KANSL1L: variants seen among roughly 807,000 people sequenced by gnomAD.
KANSL1L encodes the protein KAT8 regulatory NSL complex subunit 1 like, also known as KAT8 regulatory NSL complex subunit 1-like protein.
Under a neutral mutation model 108.6 loss-of-function variants are expected in KANSL1L, and 25 were observed. The observed-to-expected ratio is 0.23, with a 90% confidence interval of 0.17 to 0.32. The LOEUF (loss-of-function observed/expected upper bound fraction) is 0.32, where lower values mean the gene tolerates loss of function less well. Among genes scored for constraint, KANSL1L ranks in the 10% least tolerant of loss-of-function variants. The probability of loss-of-function intolerance (pLI) is 1.00; values close to 1 mark genes in which losing one functional copy is unlikely to be tolerated. For missense variants in KANSL1L, 1,137 were observed against 1,125.7 expected, an observed-to-expected ratio of 1.01 and a Z score of -0.14; for synonymous variants, 405 against 395.1, an observed-to-expected ratio of 1.03 and a Z score of -0.30.
intron 4 of KANSL1L, among the ~76,000 whole-genome samples, chr2:210,099,784 C>T (rs376791872): frequency 6.6e-6 from 1 of 152,056 alleles, no homozygotes; most frequent in African/African-American, 2.4e-5. Context: ...CCTATCTTTA[C>T]CCTAAGAATC....
intron 8 of KANSL1L, 52 bp downstream of exon 8, chr2:210,040,368 T>C (rs762974691): frequency 2.4e-6 from 2 of 837,868 alleles, no homozygotes; most frequent in African/African-American, 3.4e-5. Context: ...AAATAGTAAG[T>C]ATAAAGACAT....
chr2:210,068,347 T>C (rs1233333860), intron 6 of KANSL1L, among the ~76,000 whole-genome samples: 1 of 152,132 alleles, frequency 6.6e-6, no homozygotes, highest in Non-Finnish European at 1.5e-5. Context: ...GGATATAAAA[T>C]CTTTGTTGAA....
At chr2:210,129,402 T>C (rs1452417937) in intron 2 of KANSL1L, among the ~76,000 whole-genome samples, 2 of 152,214 alleles carry the variant, frequency 1.3e-5, no homozygotes, top group Non-Finnish European at 2.9e-5. Flanking sequence ...TACCCTGTAG[T>C]AGGATAATTC....
chr2:210,037,038 G>A (rs375311744), intron 8 of KANSL1L, among the ~76,000 whole-genome samples: 2 of 152,008 alleles, frequency 1.3e-5, no homozygotes, highest in Non-Finnish European at 1.5e-5. Context: ...TTACAGGTGT[G>A]GGCCACCGCA....
At chr2:210,140,420 C>G (rs1025439152) in intron 2 of KANSL1L, among the ~76,000 whole-genome samples, 2 of 152,164 alleles carry the variant, frequency 1.3e-5, no homozygotes, top group Non-Finnish European at 2.9e-5. Flanking sequence ...CTATCCCTTC[C>G]TCATTGTGTG....
At chr2:210,115,003 A>C (rs888681979) in intron 3 of KANSL1L, among the ~76,000 whole-genome samples, 16 of 152,116 alleles carry the variant, frequency 1.1e-4, no homozygotes, top group Admixed American at 6.5e-4. Flanking sequence ...TCAACTAAAC[A>C]TAACAGAAGA....
At chr2:210,156,059 T>C (rs2095331395) in intron 1 of KANSL1L, among the ~76,000 whole-genome samples, 1 of 152,124 alleles carries the variant, frequency 6.6e-6, no homozygotes, top group East Asian at 1.9e-4. Flanking sequence ...GCAACATATA[T>C]ATCAGACAAA....
At chr2:210,030,105 T>C (rs1185473252) in intron 9 of KANSL1L, among the ~76,000 whole-genome samples, 187 bp from the exon 10 acceptor site, 1 of 152,050 alleles carries the variant, frequency 6.6e-6, no homozygotes, top group Non-Finnish European at 1.5e-5. Context: ...CACAAGTTAT[T>C]TCCATTTTCT....
At chr2:210,075,157 A>G (rs1022157155) in intron 6 of KANSL1L, among the ~76,000 whole-genome samples, 1 of 152,230 alleles carries the variant, frequency 6.6e-6, no homozygotes, top group African/African-American at 2.4e-5. Context: ...TTCTTCCAAA[A>G]TAACTGACAG....
At chr2:210,085,808 G>A (rs1234767072) in intron 5 of KANSL1L, among the ~76,000 whole-genome samples, 6 of 150,704 alleles carry the variant, frequency 4.0e-5, no homozygotes, top group Non-Finnish European at 8.9e-5. Context: ...TAGATCTAGT[G>A]GTTGTACCAC....
At chr2:210,070,618 A>G (rs998573651) in intron 6 of KANSL1L, among the ~76,000 whole-genome samples, 1 of 152,082 alleles carries the variant, frequency 6.6e-6, no homozygotes, top group African/African-American at 2.4e-5. Context: ...CTTAATTGCA[A>G]CTACAAAGAC....
rs1400357563 is a variant in KANSL1L, at chr2:210,168,938, C to T, written c.-30+2211G>A. 2.0e-5 allele frequency among the ~76,000 whole-genome samples: 3 copies of T among 152,090 alleles called. No homozygotes were observed. In the East Asian group the frequency reaches 5.8e-4, roughly 29 times the overall value. ...TGTCAAACATGAAATATATTTCTTT[C>T]TCTCAAGCACTTTACAATAAGTTAA... On this transcript the variant is annotated intron_variant, in intron 1 of 14. Transcript: ENST00000281772.
upstream of KANSL1L, among the ~76,000 whole-genome samples, chr2:210,172,449 A>G (rs1326010114): frequency 6.6e-6 from 1 of 152,248 alleles, no homozygotes. Flanking sequence ...CGTAATCCGT[A>G]ACATAGATAA....
At position 210,154,350 on chromosome 2, in the gene KANSL1L, T is replaced by G; in HGVS notation, c.233A>C (p.Gln78Pro). The change falls in exon 2 of 15, where the codon CAG becomes CCG. Residue 78 changes from glutamine (Q) to proline (P), a missense_variant. Gln to Pro is a moderately conservative substitution (Grantham distance 76). Around this residue, in one of 3 missense-constraint regions of KANSL1L, gnomAD observed 556 missense variants for 537.7 expected, o/e 1.03. Coordinates refer to ENST00000281772, the MANE Select transcript of KANSL1L (RefSeq NM_152519.4). The part of the protein sequence containing the change: ...FGSPQSSKHY[Q>P]TVFLMRSNST... ...ATTAGATCTCATTAAAAAAACAGTC[T>G]GGTAATGTTTTGAAGACTGAGGGGA... 6.2e-7 allele frequency: 1 copy of G among 1,611,722 alleles called. No homozygotes were observed. Among genetic ancestry groups the G allele is most frequent in the Non-Finnish European group, 8.5e-7 (1 of 1,179,240 alleles).
At chr2:210,079,654 A>ATGTATGTGTATAT in intron 5 of KANSL1L, among the ~76,000 whole-genome samples, 1 of 18,424 alleles carries the variant, frequency 5.4e-5, no homozygotes, top group East Asian at 5.3e-3. Flanking sequence ...ATATATATAT[A>ATGTATGTGTATAT]TATATATATA....
At chr2:210,131,739 G>A (rs553533214) in intron 2 of KANSL1L, among the ~76,000 whole-genome samples, 6 of 146,626 alleles carry the variant, frequency 4.1e-5, no homozygotes, top group Admixed American at 6.9e-5. Flanking sequence ...TTGCTGTGTC[G>A]TCCAGGCTGG....
At chr2:210,142,372 T>C (rs543433242) in intron 2 of KANSL1L, among the ~76,000 whole-genome samples, 1 of 152,220 alleles carries the variant, frequency 6.6e-6, no homozygotes, top group East Asian at 1.9e-4. Context: ...TGATGTTATA[T>C]ATTTGGGTCT....
intron 6 of KANSL1L, among the ~76,000 whole-genome samples, chr2:210,056,060 C>T (rs1006640551): frequency 1.3e-5 from 2 of 152,258 alleles, no homozygotes; most frequent in Admixed American, 1.3e-4. Flanking sequence ...CCCCCCTGCT[C>T]TGTGCAGCCT....
Position 210,098,373 on chromosome 2 carries a change from T to G in KANSL1L, c.1429-166A>C, listed in dbSNP as rs78286225. On this transcript the variant is annotated intron_variant, in intron 4 of 14. Coordinates refer to ENST00000281772, the MANE Select transcript of KANSL1L (RefSeq NM_152519.4). ...TTTATACAACTGATTTTTCCATTTA[T>G]TACAAATAAATCTATACTTTAAGTA... Among the ~76,000 whole-genome samples the G allele has an allele frequency of 4.9e-4, 75 of 152,346 alleles. 1 individual carries two copies. The East Asian group carries it at 0.013, about 27-fold the overall frequency.
Sources: allele counts gnomAD v4.1 joint callset (sites outside exome capture counted in the v4.1 genomes callset), GRCh38; gene constraint gnomAD v4.1.1; regional missense constraint gnomAD v4.1.1; transcripts MANE v1.5; gene names NCBI Gene and HGNC (gene_info 2026-07-23, HGNC 2026-07-21).